The following DENND2B variants were observed in gnomAD, a reference collection of about 807,000 sequenced individuals.
The protein encoded by DENND2B is DENN domain containing 2B.
Under a neutral mutation model 116.0 loss-of-function variants are expected in DENND2B, and 32 were observed. The ratio of observed to expected loss-of-function variants is 0.28; its 90% CI spans 0.21 to 0.37. The LOEUF (loss-of-function observed/expected upper bound fraction) is 0.37, where lower values mean the gene tolerates loss of function less well. Among genes scored for constraint, DENND2B ranks in the 10% least tolerant of loss-of-function variants. The probability of loss-of-function intolerance (pLI) is 1.00; values close to 1 mark genes in which losing one functional copy is unlikely to be tolerated. For missense variants in DENND2B, 1,276 were observed against 1,477.7 expected (o/e 0.86, Z 2.24); for synonymous variants, 588 against 583.9 (o/e 1.01, Z -0.10).
chr11:8,698,917 G>GC lies in DENND2B; in HGVS notation c.2940+15dup. On this transcript the variant is annotated intron_variant, in intron 16 of 19. Transcript: ENST00000313726. ...GTGCTCAGGAGCCCAACTCTAGCAA[G>GC]CACCCACCCTCTTACCTGTCGGATG... 6.2e-7 allele frequency: 1 copy of GC among 1,614,106 alleles called. No individual in the cohort carries two copies. Among genetic ancestry groups the GC allele is most frequent in the Non-Finnish European group, 8.5e-7 (1 of 1,180,012 alleles).
At chr11:8,786,026 T>C (rs2058868887) in intron 1 of DENND2B, among the ~76,000 whole-genome samples, 1 of 152,200 alleles carries the variant, frequency 6.6e-6, no homozygotes, top group African/African-American at 2.4e-5. Flanking sequence ...TGAATTACTG[T>C]CCAACTCTTC....
intron 16 of DENND2B, among the ~76,000 whole-genome samples, chr11:8,698,137 C>CAAAAA (rs33975736): frequency 0.066 from 2,606 of 39,654 alleles, 328 homozygotes; most frequent in Non-Finnish European, 0.095. Context: ...ACCCTGTCTC[C>CAAAAA]AAAAAAAAAA....
chr11:8,731,510 G>C (rs187734756), intron 2 of DENND2B, among the ~76,000 whole-genome samples: 23 of 152,238 alleles, frequency 1.5e-4, no homozygotes, highest in Admixed American at 5.2e-4. Flanking sequence ...TCTAACATCT[G>C]CCAGTAAGAG....
At chr11:8,744,034 C>A (rs1416038925) in intron 2 of DENND2B, among the ~76,000 whole-genome samples, 2 of 152,042 alleles carry the variant, frequency 1.3e-5, no homozygotes, top group Non-Finnish European at 2.9e-5. Context: ...CAGGTATGAG[C>A]TACTGCACCT....
At chr11:8,809,160 C>T (rs975223299) in intron 1 of DENND2B, 5 of 152,140 alleles carry the variant, frequency 3.3e-5, no homozygotes, top group East Asian at 3.9e-4. Flanking sequence ...AGAAGTGGAC[C>T]GTCTGAGGTC....
chr11:8,898,530 C>G (rs2064129046), intron 1 of DENND2B, among the ~76,000 whole-genome samples: 1 of 152,100 alleles, frequency 6.6e-6, no homozygotes, highest in Non-Finnish European at 1.5e-5. Flanking sequence ...ATCAAAAATC[C>G]TTAGGTAGGG....
At chr11:8,773,354 A>C (rs1213389906) in intron 1 of DENND2B, among the ~76,000 whole-genome samples, 3 of 152,148 alleles carry the variant, frequency 2.0e-5, no homozygotes, top group Non-Finnish European at 4.4e-5. Context: ...GCATCCAAGC[A>C]AACAGGCCTC....
chr11:8,855,436 T>A (rs544244941), intron 3 of DENND2B, among the ~76,000 whole-genome samples: 1 of 151,004 alleles, frequency 6.6e-6, no homozygotes, highest in South Asian at 2.1e-4. Context: ...TGATGGATCA[T>A]GCTAAATTTT....
chr11:8,851,724 A>AGG (rs34707100), intron 3 of DENND2B, among the ~76,000 whole-genome samples: 1 of 152,088 alleles, frequency 6.6e-6, no homozygotes. Flanking sequence ...TTAAATACAT[A>AGG]GGGGGGGACA....
intron 3 of DENND2B, among the ~76,000 whole-genome samples, chr11:8,843,022 C>T (rs960265268): frequency 7.2e-6 from 1 of 138,460 alleles, no homozygotes; most frequent in Non-Finnish European, 1.6e-5. Flanking sequence ...CTTCTTTTCT[C>T]TCTTTTTTTT....
At chr11:8,773,976 C>T in intron 1 of DENND2B, 1 of 334,992 alleles carries the variant, frequency 3.0e-6, no homozygotes, top group Non-Finnish European at 4.3e-6. Context: ...GGGTATGAAA[C>T]TCTGCCTCTA....
chr11:8,880,781 C>T (rs527319535), intron 2 of DENND2B, among the ~76,000 whole-genome samples: 1 of 152,282 alleles, frequency 6.6e-6, no homozygotes, highest in African/African-American at 2.4e-5. Flanking sequence ...TCCTTTTATT[C>T]CTAGTGATTT....
chr11:8,799,312 G>T (rs1231317123), intron 1 of DENND2B, among the ~76,000 whole-genome samples: 1 of 152,176 alleles, frequency 6.6e-6, no homozygotes, highest in African/African-American at 2.4e-5. Flanking sequence ...ACTCGGAAAG[G>T]ACAGTGCTAC....
intron 1 of DENND2B, among the ~76,000 whole-genome samples, chr11:8,799,922 TTATTATTA>T (rs2060170799): frequency 0.017 from 23 of 1,372 alleles, no homozygotes; most frequent in East Asian, 0.14. Flanking sequence ...CATGTATTTA[TTATTATTA>T]TTATTATTAT....
intron 11 of DENND2B, 81 bp downstream of exon 11, chr11:8,710,752 GGCACACACACAC>G: frequency 1.0e-6 from 1 of 970,134 alleles, no homozygotes; most frequent in Non-Finnish European, 1.4e-6. Context: ...ATTGCAGAAG[GGCACACACACAC>G]ACACACACAC....
chr11:8,722,214 A>T (rs1592717339), intron 4 of DENND2B, among the ~76,000 whole-genome samples: 1 of 152,308 alleles, frequency 6.6e-6, no homozygotes, highest in South Asian at 2.1e-4. Context: ...TAGTGTAGGC[A>T]GGAGGCCAGC....
Position 8,848,036 on chromosome 11 carries a change from G to C in DENND2B, c.-155-8686C>G, listed in dbSNP as rs150365242. Among the ~76,000 whole-genome samples, 278 of 152,230 alleles carry C rather than the reference G, an allele frequency of 1.8e-3. 1 individual carries two copies. Among genetic ancestry groups the C allele is most frequent in the African/African-American group, 6.5e-3 (269 of 41,544 alleles). ...ATCATCAACCAGAGACTACCACTATGACATTCTCATATTTTTAAGCATAAG... is the reference window on the plus strand; with the variant it reads ...ATCATCAACCAGAGACTACCACTATCACATTCTCATATTTTTAAGCATAAG... On this transcript the variant is annotated intron_variant, in intron 3 of 6. Transcript: ENST00000524757.
At chr11:8,713,956 C>T (rs780336367) in intron 8 of DENND2B, 42 bp downstream of exon 8, 1 of 1,605,378 alleles carries the variant, frequency 6.2e-7, no homozygotes, top group Non-Finnish European at 8.5e-7. Context: ...TCCCTGCAGC[C>T]CTGCTGGGAG....
intron 1 of DENND2B, among the ~76,000 whole-genome samples, chr11:8,754,029 G>GCGCGCGCACACACACGCGCACACA (rs146486674): frequency 5.0e-5 from 7 of 138,734 alleles, no homozygotes; most frequent in African/African-American, 1.9e-4. Flanking sequence ...CCAAAAGCGC[G>GCGCGCGCACACACACGCGCACACA]CACACACACA....
Sources: gnomAD v4.1 joint callset for allele counts (sites outside exome capture counted in the v4.1 genomes callset) on GRCh38, gnomAD v4.1.1 for gene constraint, MANE v1.5 for transcripts, NCBI Gene and HGNC (gene_info 2026-07-23, HGNC 2026-07-21) for gene names.